The following SLC8A1 variants were observed in gnomAD, a reference collection of about 807,000 sequenced individuals.
SLC8A1 encodes solute carrier family 8 member A1.
Under a neutral mutation model 68.3 loss-of-function variants are expected in SLC8A1, and 18 were observed. That is an observed-to-expected ratio of 0.26 (90% confidence interval 0.18 to 0.39). The LOEUF is 0.39. SLC8A1 is among the 10% of genes least tolerant of loss of function. SLC8A1 has a pLI of 1.00. For missense variants in SLC8A1, 985 were observed against 1,156.7 expected, an observed-to-expected ratio of 0.85 and a Z score of 2.15; for synonymous variants, 475 against 415.5, an observed-to-expected ratio of 1.14 and a Z score of -1.74.
chr2:40,382,466 C>T (rs1235619529), intron 2 of SLC8A1, among the ~76,000 whole-genome samples: 1 of 151,994 alleles, frequency 6.6e-6, no homozygotes, highest in Admixed American at 6.6e-5. Flanking sequence ...AAATATTATT[C>T]AAATCAATAA....
At chr2:40,223,251 C>A (rs2148852858) in intron 2 of SLC8A1, among the ~76,000 whole-genome samples, 1 of 152,236 alleles carries the variant, frequency 6.6e-6, no homozygotes, top group South Asian at 2.1e-4. Context: ...CCATTCTCAG[C>A]AAACTAACAC....
intron 2 of SLC8A1, among the ~76,000 whole-genome samples, chr2:40,187,291 C>T (rs2050872626): frequency 1.3e-5 from 2 of 152,174 alleles, no homozygotes; most frequent in Non-Finnish European, 1.5e-5. Context: ...GAAGCCTAGC[C>T]TGACAAACGG....
At chr2:40,159,331 T>A (rs994239012) in intron 6 of SLC8A1, among the ~76,000 whole-genome samples, 2 of 152,204 alleles carry the variant, frequency 1.3e-5, no homozygotes, top group African/African-American at 4.8e-5. Flanking sequence ...AGAACAATAA[T>A]TGACATAGAA....
At chr2:40,165,477 C>T (rs2046391414) in intron 4 of SLC8A1, among the ~76,000 whole-genome samples, 1 of 152,144 alleles carries the variant, frequency 6.6e-6, no homozygotes, top group African/African-American at 2.4e-5. Flanking sequence ...AGATGGGGAA[C>T]AGGAAATTCT....
In SLC8A1 at chr2:40,325,814, C is replaced by T. The variant is rs555471868; in HGVS notation, c.1808+102659G>A. 3.5e-5 allele frequency among the ~76,000 whole-genome samples: 5 copies of T among 143,508 alleles called. No individual in the cohort carries two copies. In the East Asian group the frequency reaches 8.5e-4, roughly 24 times the overall value. 94.1% of individuals were successfully genotyped at this position (143,508 alleles called of 152,430 possible). ...AAAAAAAAAAAAAAAAGTAGCTGAGCGTGGTGGCAGGTGCCTGTAGTCCCA... is the reference window on the plus strand; with the variant it reads ...AAAAAAAAAAAAAAAAGTAGCTGAGTGTGGTGGCAGGTGCCTGTAGTCCCA... On this transcript the variant is annotated intron_variant, in intron 2 of 7. Transcript: ENST00000406785.
At chr2:40,271,622 C>T (rs933084408) in intron 2 of SLC8A1, among the ~76,000 whole-genome samples, 4 of 152,134 alleles carry the variant, frequency 2.6e-5, no homozygotes, top group African/African-American at 9.7e-5. Context: ...GAAAAAGTTT[C>T]TTTAGGGCAA....
chr2:40,233,419 C>G (rs1459530131), intron 2 of SLC8A1, among the ~76,000 whole-genome samples: 2 of 149,622 alleles, frequency 1.3e-5, no homozygotes, highest in African/African-American at 4.9e-5. Flanking sequence ...TGTTCATGTC[C>G]TTTGCCCACT....
At chr2:40,388,484 A>G (rs1384605318) in intron 2 of SLC8A1, among the ~76,000 whole-genome samples, 3 of 152,150 alleles carry the variant, frequency 2.0e-5, no homozygotes, top group Admixed American at 1.3e-4. Context: ...CTTCTAAACC[A>G]TGAGAAGGAC....
intron 7 of SLC8A1, among the ~76,000 whole-genome samples, chr2:40,117,401 A>G (rs2035705039): frequency 6.8e-6 from 1 of 147,146 alleles, no homozygotes; most frequent in East Asian, 2.0e-4. Flanking sequence ...ACAAAAAAAA[A>G]AAAAAAAAAA....
At position 40,430,311 on chromosome 2, in the gene SLC8A1, A is replaced by C. The variant is rs775225345; in HGVS notation, c.-24-7T>G. On this transcript the variant is annotated splice_region_variant and splice_polypyrimidine_tract_variant and intron_variant, in intron 1 of 7. Transcript: ENST00000406785. ...TTCCAACTGTCACAACCTACTGGTA[A>C]AAATAAGATGGGGGAGAGGGCAGAA... 1.9e-6 allele frequency: 3 copies of C among 1,571,450 alleles called. No homozygotes were observed. The highest frequency in any genetic ancestry group is 2.6e-6 in the Non-Finnish European group (3 of 1,160,688).
At chr2:40,114,977 C>A (rs1412379040) in exon 8 of SLC8A1, 1 of 201,552 alleles carries the variant, frequency 5.0e-6, no homozygotes, top group Admixed American at 5.9e-5. Flanking sequence ...CAAAACAAAT[C>A]AAAGCCTTAA....
At chr2:40,127,153 A>ATGTTT (rs1321285984) in intron 7 of SLC8A1, among the ~76,000 whole-genome samples, 1 of 152,164 alleles carries the variant, frequency 6.6e-6, no homozygotes, top group Admixed American at 6.5e-5. Context: ...TTGTCAAAAT[A>ATGTTT]CAGTGTTTCA....
chr2:40,390,867 A>T (rs1050197380), intron 2 of SLC8A1, among the ~76,000 whole-genome samples: 3 of 143,886 alleles, frequency 2.1e-5, no homozygotes, highest in Non-Finnish European at 4.8e-5. Context: ...CCAATTTGAT[A>T]GACATTTTAT....
intron 2 of SLC8A1, among the ~76,000 whole-genome samples, chr2:40,425,169 G>A (rs1327701512): frequency 1.3e-5 from 2 of 151,710 alleles, no homozygotes; most frequent in Non-Finnish European, 3.0e-5. Flanking sequence ...TCTATTTAAT[G>A]GGATTTTGCT....
chr2:40,382,881 G>A (rs1682355271), intron 2 of SLC8A1, among the ~76,000 whole-genome samples: 1 of 151,704 alleles, frequency 6.6e-6, no homozygotes, highest in Non-Finnish European at 1.5e-5. Flanking sequence ...AATATAAGAG[G>A]GATTCTATTA....
At chr2:40,271,729 T>TA (rs2066056917) in intron 2 of SLC8A1, among the ~76,000 whole-genome samples, 1 of 152,206 alleles carries the variant, frequency 6.6e-6, no homozygotes, top group Non-Finnish European at 1.5e-5. Flanking sequence ...TGAGCCCTTT[T>TA]AAGTGAAAGA....
chr2:40,447,636 G>A (rs1424404368), intron 1 of SLC8A1, among the ~76,000 whole-genome samples: 3 of 150,176 alleles, frequency 2.0e-5, no homozygotes, highest in African/African-American at 7.3e-5. Flanking sequence ...TGATTTGTGA[G>A]AATTAATGGT....
chr2:40,292,621 C>A (rs962063027), intron 2 of SLC8A1, among the ~76,000 whole-genome samples: 1 of 152,168 alleles, frequency 6.6e-6, no homozygotes, highest in Non-Finnish European at 1.5e-5. Flanking sequence ...AGTGCACCCA[C>A]AGGAGTGACT....
chr2:40,446,956 A>G (rs1422887168), intron 1 of SLC8A1, among the ~76,000 whole-genome samples: 10 of 152,214 alleles, frequency 6.6e-5, no homozygotes, highest in African/African-American at 2.4e-4. Flanking sequence ...TAAATATCAT[A>G]ATTTGGTTGA....
Sources: gnomAD v4.1 joint callset for allele counts (sites outside exome capture counted in the v4.1 genomes callset) on GRCh38, gnomAD v4.1.1 for gene constraint, MANE v1.5 for transcripts, NCBI Gene and HGNC (gene_info 2026-07-23, HGNC 2026-07-21) for gene names.